ZDHHC14: variants seen among roughly 807,000 people sequenced by gnomAD.
ZDHHC14 encodes the protein zDHHC palmitoyltransferase 14, also known as palmitoyltransferase ZDHHC14.
ZDHHC14 carries 16 observed loss-of-function variants against 47.7 expected under a neutral mutation model. The ratio of observed to expected loss-of-function variants is 0.34; its 90% CI spans 0.23 to 0.51. ZDHHC14 has a LOEUF of 0.51. ZDHHC14 is among the 20% of genes least tolerant of loss of function. The probability of loss-of-function intolerance (pLI) is 0.97; values close to 1 mark genes in which losing one functional copy is unlikely to be tolerated. For synonymous variants in ZDHHC14, 293 were observed against 278.9 expected (o/e 1.05, Z -0.50); for missense variants, 515 against 662.5 (o/e 0.78, Z 2.44).
chr6:157,570,911 T>G (rs1270228340), intron 2 of ZDHHC14, among the ~76,000 whole-genome samples: 1 of 152,104 alleles, frequency 6.6e-6, no homozygotes, highest in African/African-American at 2.4e-5. Context: ...GTGAACATCA[T>G]AGCATCTGAC....
chr6:157,661,024 G>A (rs577825142), intron 8 of ZDHHC14, among the ~76,000 whole-genome samples: 1 of 152,298 alleles, frequency 6.6e-6, no homozygotes, highest in South Asian at 2.1e-4. Context: ...TCCTGGAGGA[G>A]ACGACATCTG....
chr6:157,649,260 G>A (rs1777704709), intron 7 of ZDHHC14, among the ~76,000 whole-genome samples: 1 of 152,220 alleles, frequency 6.6e-6, no homozygotes, highest in Non-Finnish European at 1.5e-5. Flanking sequence ...GAAGCGGTGT[G>A]GGGCAGCACT....
chr6:157,569,500 C>T (rs900517906), intron 2 of ZDHHC14, among the ~76,000 whole-genome samples: 9 of 151,962 alleles, frequency 5.9e-5, no homozygotes, highest in South Asian at 2.1e-4. Flanking sequence ...TATTTATTCC[C>T]GGGCCAATGA....
At chr6:157,456,997 TAATA>T (rs557075276) in intron 1 of ZDHHC14, among the ~76,000 whole-genome samples, 8 of 146,888 alleles carry the variant, frequency 5.4e-5, no homozygotes, top group Non-Finnish European at 7.5e-5. Context: ...AAAAATACAA[TAATA>T]AATAAATAAA....
At position 157,620,326 on chromosome 6, in the gene ZDHHC14, C is replaced by CA. The variant is rs1785138437; in HGVS notation, c.566-8022dup. On this transcript the variant is annotated intron_variant, in intron 3 of 8. Coordinates refer to ENST00000359775, the MANE Select transcript of ZDHHC14 (RefSeq NM_024630.3). ...TCCTCTTATGAAGCCATGAAGGCCTCACCCTGATGGCCTCAGCTGCCCCTA... is the reference window on the plus strand; with the variant it reads ...TCCTCTTATGAAGCCATGAAGGCCTCAACCCTGATGGCCTCAGCTGCCCCTA... Among the ~76,000 whole-genome samples the CA allele has an allele frequency of 2.6e-5, 4 of 152,272 alleles. No homozygotes were observed. The East Asian group carries it at 5.8e-4, about 22-fold the overall frequency.
Position 157,382,017 on chromosome 6 carries a change from C to G in ZDHHC14, c.-5C>G. The G allele has an allele frequency of 6.7e-7, 1 of 1,490,586 alleles. No individual in the cohort carries two copies. The highest frequency in any genetic ancestry group is 8.9e-7 in the Non-Finnish European group (1 of 1,120,312). 92.3% of individuals were successfully genotyped at this position (1,490,586 alleles called of 1,614,324 possible). A position where few individuals can be genotyped will look rare whatever the true frequency, so the allele number is the denominator to read the frequency against. ...GTGTGCGCCCCCAGCCGGCTGCCCT[C>G]GTGGATGCCTCCCGGCGGCGGCGGG... On this transcript the variant is annotated 5_prime_UTR_variant, in exon 1 of 9. Transcript: ENST00000359775.
At chr6:157,653,350 A>G (rs1466477407) in intron 7 of ZDHHC14, among the ~76,000 whole-genome samples, 175 bp from the exon 8 acceptor site, 4 of 152,124 alleles carry the variant, frequency 2.6e-5, no homozygotes, top group African/African-American at 9.7e-5. Flanking sequence ...TAAAGGGAGA[A>G]GGGACAGAAT....
At position 157,463,047 on chromosome 6, in the gene ZDHHC14, CT is replaced by C. The variant is rs1246768062; in HGVS notation, c.246-79536del. 6.6e-6 allele frequency among the ~76,000 whole-genome samples: 1 copy of C among 152,170 alleles called. No homozygotes were observed. Among genetic ancestry groups the C allele is most frequent in the African/African-American group, 2.4e-5 (1 of 41,440 alleles). On this transcript the variant is annotated intron_variant, in intron 1 of 8. Transcript: ENST00000359775. The surrounding 1 kb of genome is among the most constrained non-coding windows in gnomAD (Gnocchi z 4.4). The stretch of plus-strand genomic sequence containing the variant: ...AGTCAGTCTCTTTTCCAGAAAGATT[CT>C]TATGTCGGCTGAGTTCAAGTAGGTA...
In ZDHHC14 at chr6:157,506,902, G is replaced by C. The variant is rs576198259; in HGVS notation, c.246-35683G>C. On this transcript the variant is annotated intron_variant, in intron 1 of 8. Coordinates refer to ENST00000359775, the MANE Select transcript of ZDHHC14 (RefSeq NM_024630.3). ...GATAAGTGGCACCTAGGAAAGTAGA[G>C]TCATTTTTTTTTTAATTTTGGTTTT... 4.7e-5 allele frequency among the ~76,000 whole-genome samples: 5 copies of C among 107,184 alleles called. No individual in the cohort carries two copies. In the South Asian group the frequency reaches 1.5e-3, roughly 33 times the overall value. 70.3% of individuals were successfully genotyped at this position (107,184 alleles called of 152,430 possible).
At chr6:157,442,782 C>A (rs925926017) in intron 1 of ZDHHC14, among the ~76,000 whole-genome samples, 1 of 152,240 alleles carries the variant, frequency 6.6e-6, no homozygotes, top group African/African-American at 2.4e-5. Context: ...TCTTACTCAG[C>A]AGGTACGCTC....
chr6:157,462,188 C>CT (rs1261951076), intron 1 of ZDHHC14, among the ~76,000 whole-genome samples: 1 of 152,216 alleles, frequency 6.6e-6, no homozygotes, highest in Non-Finnish European at 1.5e-5. Context: ...AAAGTTAGCT[C>CT]TTTTTCTTAC....
rs956019750 is a variant in ZDHHC14 at position 157,435,057 on chromosome 6, G to T, written c.245+52791G>T. Among the ~76,000 whole-genome samples, 7 of 152,232 alleles carry T rather than the reference G, an allele frequency of 4.6e-5. No homozygotes were observed. The East Asian group carries it at 1.3e-3, about 29-fold the overall frequency. On this transcript the variant is annotated intron_variant, in intron 1 of 8. Transcript: ENST00000359775. The stretch of plus-strand genomic sequence containing the variant: ...CCATCGCTGAACACAGATCTCCATG[G>T]CTATGCTCATAGAAAATTGTTTTCA...
chr6:157,499,851 T>C (rs1361745082), intron 1 of ZDHHC14, among the ~76,000 whole-genome samples: 1 of 152,238 alleles, frequency 6.6e-6, no homozygotes, highest in Non-Finnish European at 1.5e-5. Flanking sequence ...AATCGATTGA[T>C]TGATTCATTC....
In ZDHHC14 at chr6:157,673,250, G is replaced by T. The variant is rs777980545; in HGVS notation, c.*128G>T. 1.4e-5 allele frequency: 18 copies of T among 1,301,158 alleles called. No individual in the cohort carries two copies. In the Admixed American group the frequency reaches 1.6e-4, roughly 12 times the overall value. 80.6% of individuals were successfully genotyped at this position (1,301,158 alleles called of 1,614,324 possible). On this transcript the variant is annotated 3_prime_UTR_variant, in exon 9 of 9. Transcript: ENST00000359775. This position sits in a 1 kb window ranked among gnomAD's most constrained non-coding sequence, Gnocchi z 5.4. ...TGGAGATGACAGCCCCAGGTCTGGG[G>T]TACAGAGACCACTTAGGATGGCACA...
At chr6:157,410,277 T>C (rs1411393668) in intron 1 of ZDHHC14, among the ~76,000 whole-genome samples, 1 of 152,276 alleles carries the variant, frequency 6.6e-6, no homozygotes, top group East Asian at 1.9e-4. Flanking sequence ...AAAACATGCA[T>C]TGTACTTATT....
chr6:157,449,719 G>A (rs1778758880), intron 1 of ZDHHC14, among the ~76,000 whole-genome samples: 1 of 152,118 alleles, frequency 6.6e-6, no homozygotes, highest in South Asian at 2.1e-4. Context: ...TCTGGGGCAC[G>A]TGAACTAGGC....
chr6:157,663,565 T>C (rs1000608319), intron 8 of ZDHHC14, among the ~76,000 whole-genome samples: 1 of 152,220 alleles, frequency 6.6e-6, no homozygotes, highest in African/African-American at 2.4e-5. Context: ...CAGCAGATAA[T>C]GTTCCACTGG....
At chr6:157,619,424 T>G (rs147727122) in intron 3 of ZDHHC14, among the ~76,000 whole-genome samples, 95 of 152,140 alleles carry the variant, frequency 6.2e-4, no homozygotes, top group African/African-American at 2.2e-3. Context: ...TTAAACAAAC[T>G]TGGAAAACAA....
At chr6:157,512,973 A>T (rs1423676659) in intron 1 of ZDHHC14, among the ~76,000 whole-genome samples, 1 of 152,264 alleles carries the variant, frequency 6.6e-6, no homozygotes, top group African/African-American at 2.4e-5. Flanking sequence ...GAACCCAGAC[A>T]TGAAACAAAA....
Sources: gnomAD v4.1 joint callset for allele counts (sites outside exome capture counted in the v4.1 genomes callset) on GRCh38, gnomAD v4.1.1 for gene constraint, Gnocchi (gnomAD v3.1) non-coding constraint, MANE v1.5 for transcripts, NCBI Gene and HGNC (gene_info 2026-07-23, HGNC 2026-07-21) for gene names.